LCA5L: variants seen among roughly 807,000 people sequenced by gnomAD.
LCA5L encodes the protein lebercilin-like protein.
A neutral mutation model predicts 45.4 loss-of-function variants in LCA5L; 35 were observed. The observed-to-expected ratio is 0.77, with a 90% CI of 0.59 to 1.02. The LOEUF (loss-of-function observed/expected upper bound fraction) is 1.02, where lower values mean the gene tolerates loss of function less well. Ranked by LOEUF, LCA5L falls within the 50% of genes least tolerant of loss-of-function variation. The pLI is 0.00. For synonymous variants in LCA5L, 233 were observed against 264.7 expected (o/e 0.88, Z 1.16); for missense variants, 668 against 761.6 (o/e 0.88, Z 1.45).
chr21:39,419,525 AAAAAAAAAAAG>A (rs1018144625), intron 7 of LCA5L, among the ~76,000 whole-genome samples: 17 of 144,478 alleles, frequency 1.2e-4, no homozygotes, highest in African/African-American at 4.2e-4. Context: ...ACCCTGTTCA[AAAAAAAAAAAG>A]AAAAAAGAAA....
rs772774117 is a variant in LCA5L, at chr21:39,406,363, G to A, written c.1532C>T (p.Ala511Val). 1 of 1,613,534 alleles carries A rather than the reference G, an allele frequency of 6.2e-7. No individual in the cohort carries two copies. Among genetic ancestry groups the A allele is most frequent in the Non-Finnish European group, 8.5e-7 (1 of 1,179,884 alleles). ...GVDDTLGKGT[A>V]PYTKGPLRQR... is the part of the protein sequence containing the mutation. ...TCTGAGGGGGCCTTTCGTGTAGGGA[G>A]CAGTGCCTTTGCCAAGTGTGTCATC... The change falls in exon 11 of 11, where the codon GCT becomes GTT. Residue 511 changes from alanine (A) to valine (V), a missense_variant. By Grantham distance (64) the Ala-to-Val change is moderately conservative. Coordinates refer to ENST00000288350, the MANE Select transcript of LCA5L (RefSeq NM_152505.4).
chr21:39,412,665 TA>T (rs1260494891), intron 7 of LCA5L, among the ~76,000 whole-genome samples: 1 of 152,086 alleles, frequency 6.6e-6, no homozygotes, highest in Non-Finnish European at 1.5e-5. Context: ...TTGTGCCCCT[TA>T]GGGTCAAATC....
intron 8 of LCA5L, chr21:39,410,824 C>A: frequency 2.1e-6 from 1 of 471,014 alleles, no homozygotes; most frequent in Non-Finnish European, 4.4e-6. Flanking sequence ...TCGGTTGATT[C>A]ATTGTCTCTA....
At chr21:39,417,805 G>C (rs1050624306) in intron 7 of LCA5L, among the ~76,000 whole-genome samples, 2 of 151,610 alleles carry the variant, frequency 1.3e-5, no homozygotes, top group Non-Finnish European at 2.9e-5. Context: ...TCGCTCTGTC[G>C]CCCAGGCTGG....
intron 4 of LCA5L, 163 bp from the exon 5 acceptor site, chr21:39,428,666 G>A (rs1378533955): frequency 7.3e-6 from 1 of 136,338 alleles, no homozygotes; most frequent in African/African-American, 2.8e-5. Flanking sequence ...AGGTTGGAGT[G>A]CAGTGGTGTG....
chr21:39,409,804 G>C lies in LCA5L; in HGVS notation c.1282+175C>G, dbSNP rs2147156284. ...AGATAGGGTTTCACCATGTTGGCCAGGCTGGTCTCAAACTCTTGACCTCAG... is the reference window on the plus strand; with the variant it reads ...AGATAGGGTTTCACCATGTTGGCCACGCTGGTCTCAAACTCTTGACCTCAG... On this transcript the variant is annotated intron_variant, in intron 10 of 10. Coordinates refer to ENST00000288350, the MANE Select transcript of LCA5L (RefSeq NM_152505.4). The surrounding 1 kb of genome is among the most constrained non-coding windows in gnomAD (Gnocchi z 4.2). Among the ~76,000 whole-genome samples the C allele has an allele frequency of 6.6e-6, 1 of 152,266 alleles. No individual in the cohort carries two copies. Among genetic ancestry groups the C allele is most frequent in the South Asian group, 2.1e-4 (1 of 4,830 alleles).
Position 39,423,447 on chromosome 21 carries a change from T to A in LCA5L, c.366A>T (p.Ala122=). ...TATGGATTTGAGAATTAAAGAGTGA[T>A]GCATTCCAGGTGTGCTTTTTTTCAA... ...ISVEKKHTWN[A]SLFNSQIHMI... Residue 122 remains alanine (A), a synonymous_variant, in exon 6 of 11, where the codon GCA becomes GCT. Coordinates refer to ENST00000288350, the MANE Select transcript of LCA5L (RefSeq NM_152505.4). 1.3e-6 allele frequency: 2 copies of A among 1,587,824 alleles called. No homozygotes were observed. The highest frequency in any genetic ancestry group is 1.7e-6 in the Non-Finnish European group (2 of 1,171,300).
chr21:39,408,219 C>T (rs920020931), intron 10 of LCA5L, among the ~76,000 whole-genome samples: 1 of 152,212 alleles, frequency 6.6e-6, no homozygotes, highest in Non-Finnish European at 1.5e-5. Context: ...GACCCTCAAC[C>T]TAGAGTTTCC....
At chr21:39,435,047 G>A (rs866661000) in intron 3 of LCA5L, among the ~76,000 whole-genome samples, 44 of 152,112 alleles carry the variant, frequency 2.9e-4, no homozygotes, top group African/African-American at 9.4e-4. Context: ...GTATAGTGGT[G>A]CCTATTTTAC....
At chr21:39,406,763 C>G (rs2039128972) in intron 10 of LCA5L, 151 bp from the exon 11 acceptor site, 1 of 600,480 alleles carries the variant, frequency 1.7e-6, no homozygotes, top group Non-Finnish European at 2.8e-6. Flanking sequence ...CAAAAGATTA[C>G]AGAGAAAGGT....
intron 5 of LCA5L, among the ~76,000 whole-genome samples, chr21:39,425,206 T>A (rs2074461168): frequency 6.6e-6 from 1 of 152,212 alleles, no homozygotes; most frequent in Admixed American, 6.5e-5. Context: ...GTGGCCAGTG[T>A]CACCCAAGTC....
chr21:39,422,337 T>G (rs2073910926), intron 6 of LCA5L: 1 of 152,310 alleles, frequency 6.6e-6, no homozygotes, highest in African/African-American at 2.4e-5. Context: ...CAATGCCTTC[T>G]CCCAAGTCAT....
chr21:39,412,502 C>G (rs1460050761), intron 7 of LCA5L, among the ~76,000 whole-genome samples: 1 of 152,034 alleles, frequency 6.6e-6, no homozygotes, highest in African/African-American at 2.4e-5. Flanking sequence ...GACTCAAGAC[C>G]ATTGAATTTT....
At chr21:39,443,250 A>G (rs73367979) in intron 2 of LCA5L, among the ~76,000 whole-genome samples, 4,155 of 152,320 alleles carry the variant, frequency 0.027, 183 homozygotes, top group African/African-American at 0.095. Flanking sequence ...GGATTGGACA[A>G]TAACTGGAAA....
In LCA5L at chr21:39,423,280, A is replaced by G. The variant is rs2074060304; in HGVS notation, c.533T>C (p.Leu178Pro). ...ILTENQFLKQ[L>P]QLRHLKAIGK... The stretch of plus-strand genomic sequence containing the variant: ...TATAGCTTTCAAATGCCTAAGCTGA[A>G]GTTGTTTCAAAAATTGGTTTTCTGT... Residue 178 changes from leucine to proline, a missense_variant, in exon 6 of 11, where the codon CTT (leucine) becomes CCT (proline). Transcript: ENST00000288350. 5.0e-6 allele frequency: 8 copies of G among 1,609,458 alleles called. No homozygotes were observed. The East Asian group carries it at 1.6e-4, about 31-fold the overall frequency.
intron 7 of LCA5L, among the ~76,000 whole-genome samples, chr21:39,419,547 A>G (rs1260037407): frequency 3.3e-4 from 49 of 150,550 alleles, no homozygotes; most frequent in Non-Finnish European, 5.7e-4. Flanking sequence ...AAAAAAGAAA[A>G]AAGAAAGAAA....
chr21:39,436,283 T>G (rs953704311), intron 2 of LCA5L: 9 of 152,196 alleles, frequency 5.9e-5, no homozygotes, highest in African/African-American at 1.9e-4. Flanking sequence ...TAAAATGTAT[T>G]CTGGTTCCAT....
At chr21:39,439,125 A>G (rs2076563484) in intron 2 of LCA5L, among the ~76,000 whole-genome samples, 1 of 152,232 alleles carries the variant, frequency 6.6e-6, no homozygotes, top group Admixed American at 6.5e-5. Flanking sequence ...TAAGAAGGAC[A>G]CAGGAGGGGT....
At chr21:39,441,304 T>G (rs1230789319) in intron 2 of LCA5L, among the ~76,000 whole-genome samples, 2 of 151,482 alleles carry the variant, frequency 1.3e-5, no homozygotes, top group Non-Finnish European at 2.9e-5. Flanking sequence ...GGACCCTGTT[T>G]CAAAACCAAA....
Sources: gnomAD v4.1 joint callset for allele counts (sites outside exome capture counted in the v4.1 genomes callset) on GRCh38, gnomAD v4.1.1 for gene constraint, Gnocchi (gnomAD v3.1) non-coding constraint, MANE v1.5 for transcripts, NCBI Gene and HGNC (gene_info 2026-07-23, HGNC 2026-07-21) for gene names.